RBFOX1: variants seen among roughly 807,000 people sequenced by gnomAD.
RBFOX1 encodes the protein RNA binding protein fox-1 homolog 1.
A neutral mutation model predicts 57.7 loss-of-function variants in RBFOX1; 8 were observed. That is an observed-to-expected ratio of 0.14 (90% CI 0.08 to 0.25). The LOEUF (loss-of-function observed/expected upper bound fraction) is 0.25, where lower values mean the gene tolerates loss of function less well. Among genes scored for constraint, RBFOX1 ranks in the 10% least tolerant of loss-of-function variants. The pLI, the probability that RBFOX1 is intolerant of heterozygous loss-of-function variation, is 1.00. For synonymous variants in RBFOX1, 326 were observed against 222.4 expected (o/e 1.47, Z -4.15); for missense variants, 611 against 548.5 (o/e 1.11, Z -1.14).
At chr16:6,827,130 A>G (rs779410004) in intron 3 of RBFOX1, among the ~76,000 whole-genome samples, 31 of 152,194 alleles carry the variant, frequency 2.0e-4, no homozygotes, top group Non-Finnish European at 2.6e-4. Context: ...ACCAGTGAAT[A>G]TAAGATATAC....
At chr16:6,818,664 C>T (rs371602424) in intron 3 of RBFOX1, among the ~76,000 whole-genome samples, 14 of 152,240 alleles carry the variant, frequency 9.2e-5, no homozygotes, top group East Asian at 5.8e-4. Flanking sequence ...TTCCCCCCTT[C>T]TTCTGGTAAA....
chr16:7,462,926 C>G (rs1197116015), intron 4 of RBFOX1, among the ~76,000 whole-genome samples: 2 of 152,198 alleles, frequency 1.3e-5, no homozygotes, highest in Non-Finnish European at 2.9e-5. Flanking sequence ...CTGGGCCCAC[C>G]CAGGTAGTTC....
At chr16:6,341,910 C>T (rs181849381) in intron 2 of RBFOX1, among the ~76,000 whole-genome samples, 1 of 152,222 alleles carries the variant, frequency 6.6e-6, no homozygotes, top group African/African-American at 2.4e-5. Context: ...ACTGAACCCA[C>T]CTGGATCATT....
chr16:5,494,593 A>T (rs2042938879), intron 2 of RBFOX1, among the ~76,000 whole-genome samples: 1 of 152,162 alleles, frequency 6.6e-6, no homozygotes, highest in African/African-American at 2.4e-5. Flanking sequence ...CTCTCCCACG[A>T]GGTCTTCTGG....
At chr16:6,254,871 A>G (rs28473390) in intron 1 of RBFOX1, among the ~76,000 whole-genome samples, 4,920 of 152,174 alleles carry the variant, frequency 0.032, 156 homozygotes, top group African/African-American at 0.08. Flanking sequence ...TACATGGTGC[A>G]ACAACTTTTT....
At chr16:5,361,770 C>T (rs2065559032) in intron 1 of RBFOX1, among the ~76,000 whole-genome samples, 1 of 152,228 alleles carries the variant, frequency 6.6e-6, no homozygotes, top group Admixed American at 6.5e-5. Context: ...GGCCACCCAG[C>T]TGTCTCAGGT....
chr16:6,666,725 C>T (rs1603272772), intron 3 of RBFOX1, among the ~76,000 whole-genome samples: 4 of 152,246 alleles, frequency 2.6e-5, no homozygotes, highest in Admixed American at 2.6e-4. Context: ...CAGGGCCTGA[C>T]ACACAGGTAA....
chr16:5,254,755 T>C (rs1352831276), intron 1 of RBFOX1, among the ~76,000 whole-genome samples: 2 of 152,178 alleles, frequency 1.3e-5, no homozygotes, highest in East Asian at 1.9e-4. Context: ...AAAGGCTGTG[T>C]GATGACAGGT....
intron 3 of RBFOX1, among the ~76,000 whole-genome samples, chr16:6,883,851 C>G (rs1016471125): frequency 6.6e-6 from 1 of 151,250 alleles, no homozygotes; most frequent in Non-Finnish European, 1.5e-5. Context: ...AATTAATGTC[C>G]TTTGTAGTAG....
At chr16:6,275,853 A>G (rs2075747608) in intron 1 of RBFOX1, among the ~76,000 whole-genome samples, 1 of 152,248 alleles carries the variant, frequency 6.6e-6, no homozygotes, top group South Asian at 2.1e-4. Flanking sequence ...AATAATATTT[A>G]CCAAATATTT....
At chr16:5,521,755 C>T (rs769737270) in intron 2 of RBFOX1, among the ~76,000 whole-genome samples, 1 of 152,338 alleles carries the variant, frequency 6.6e-6, no homozygotes, top group African/African-American at 2.4e-5. Context: ...ACACAATATA[C>T]CCAGGTATGC....
At chr16:5,761,051 G>T (rs2053574053) in intron 3 of RBFOX1, among the ~76,000 whole-genome samples, 1 of 152,194 alleles carries the variant, frequency 6.6e-6, no homozygotes, top group Non-Finnish European at 1.5e-5. Flanking sequence ...CCAGTAGAAG[G>T]TTCTGGGGCA....
intron 4 of RBFOX1, among the ~76,000 whole-genome samples, chr16:7,394,154 T>C (rs1406288188): frequency 1.4e-5 from 2 of 143,768 alleles, no homozygotes; most frequent in Admixed American, 1.5e-4. Flanking sequence ...GAGAATTGCT[T>C]GAACCCAGGA....
rs576356939 is a variant in RBFOX1 at position 5,289,955 on chromosome 16, A to G, written c.219+49850A>G. Among the ~76,000 whole-genome samples the G allele has an allele frequency of 4.6e-5, 7 of 152,372 alleles. No individual in the cohort carries two copies. The South Asian group carries it at 1.4e-3, about 32-fold the overall frequency. On this transcript the variant is annotated intron_variant, in intron 1 of 2. Transcript: ENST00000585867. Reference sequence around the variant, plus strand: ...TAGCAGCGTTATTCATAATAGTGCCAAAGTGAAAACAACACAAATGCTTGT... The same window carrying G: ...TAGCAGCGTTATTCATAATAGTGCCGAAGTGAAAACAACACAAATGCTTGT...
Position 6,998,528 on chromosome 16 carries a change from A to G in RBFOX1, c.-15-53529A>G, listed in dbSNP as rs140501588. Among the ~76,000 whole-genome samples, 236 of 152,326 alleles carry G rather than the reference A, an allele frequency of 1.5e-3. 2 individuals carry two copies. Among genetic ancestry groups the G allele is most frequent in the African/African-American group, 5.4e-3 (224 of 41,568 alleles). ...CTTGGCCCTACCAGAAGCAAGAGACAAAGTTCTAAATGAGAACAGCTGGTT... is the reference window on the plus strand; with the variant it reads ...CTTGGCCCTACCAGAAGCAAGAGACGAAGTTCTAAATGAGAACAGCTGGTT... On this transcript the variant is annotated intron_variant, in intron 3 of 15. Coordinates refer to ENST00000550418, the MANE Select transcript of RBFOX1 (RefSeq NM_018723.4).
At chr16:6,887,359 A>C (rs966972320) in intron 3 of RBFOX1, among the ~76,000 whole-genome samples, 1 of 152,128 alleles carries the variant, frequency 6.6e-6, no homozygotes, top group African/African-American at 2.4e-5. Context: ...AGAAGTTGAC[A>C]GTTCTCCCTG....
chr16:6,440,614 A>T (rs2094356202), intron 2 of RBFOX1, among the ~76,000 whole-genome samples: 1 of 152,070 alleles, frequency 6.6e-6, no homozygotes, highest in South Asian at 2.1e-4. Context: ...CATCCTGGCC[A>T]ATACGGTGAA....
At chr16:5,799,472 C>A (rs1837887310) in intron 3 of RBFOX1, among the ~76,000 whole-genome samples, 1 of 152,154 alleles carries the variant, frequency 6.6e-6, no homozygotes, top group South Asian at 2.1e-4. Context: ...AATTTTTCAA[C>A]TATATAATGA....
At chr16:5,386,377 G>C (rs572869751) in intron 1 of RBFOX1, among the ~76,000 whole-genome samples, 1 of 152,018 alleles carries the variant, frequency 6.6e-6, no homozygotes, top group Non-Finnish European at 1.5e-5. Context: ...AAAGGTAGAC[G>C]GCCTCAGGTG....
Sources: allele counts gnomAD v4.1 joint callset (sites outside exome capture counted in the v4.1 genomes callset), GRCh38; gene constraint gnomAD v4.1.1; transcripts MANE v1.5; gene names NCBI Gene and HGNC (gene_info 2026-07-23, HGNC 2026-07-21).